The following CRYBG3 variants were observed in gnomAD, a reference collection of about 807,000 sequenced individuals.
The protein encoded by CRYBG3 is very large A-kinase anchor protein.
A neutral mutation model predicts 244.2 loss-of-function variants in CRYBG3; 127 were observed. The observed-to-expected ratio is 0.52, with a 90% confidence interval of 0.45 to 0.60. The LOEUF (loss-of-function observed/expected upper bound fraction) is 0.60. CRYBG3 is among the 20% of genes least tolerant of loss of function. The pLI, the probability that CRYBG3 is intolerant of heterozygous loss-of-function variation, is 0.00. For missense variants in CRYBG3, 3,325 were observed against 3,442.5 expected (o/e 0.97, Z 0.85); for synonymous variants, 1,132 against 1,195.8 (o/e 0.95, Z 1.10).
rs1207540056 is a variant in CRYBG3 at position 97,872,315 on chromosome 3, C to G, written c.1121C>G (p.Thr374Ser). 1.0e-5 allele frequency: 16 copies of G among 1,535,816 alleles called. No homozygotes were observed. The highest frequency in any genetic ancestry group is 2.0e-5 in the Admixed American group (1 of 50,960). The change falls in exon 4 of 22, where the codon ACT becomes AGT. Residue 374 changes from threonine to serine, a missense_variant. Physicochemically the swap from Thr to Ser is moderately conservative, Grantham distance 58. Transcript: ENST00000389622. ...TTAAGTTGTGAACCGGTTTCTCAGA[C>G]TAACAGAAATTTGGTATGTTCAGCA... ...HHLSCEPVSQ[T>S]NRNLVCSALL...
rs1036550064 is a variant in CRYBG3, at chr3:97,876,641, C to T, written c.5447C>T (p.Pro1816Leu). Reference protein sequence around the residue: ...LKVKEAHETAPAPLEMEKACK... With the variant: ...LKVKEAHETALAPLEMEKACK... Reference sequence around the variant, plus strand: ...GTGAAGGAAGCACACGAGACAGCACCTGCCCCCTTAGAAATGGAAAAAGCA... The same window carrying T: ...GTGAAGGAAGCACACGAGACAGCACTTGCCCCCTTAGAAATGGAAAAAGCA... The change falls in exon 4 of 22, where the codon CCT (proline) becomes CTT (leucine). Residue 1816 changes from proline (P) to leucine (L), a missense_variant. Transcript: ENST00000389622. 5.7e-6 allele frequency: 7 copies of T among 1,235,652 alleles called. No individual in the cohort carries two copies. The South Asian group carries it at 1.6e-4, about 29-fold the overall frequency. The allele number at this position is 1,235,652 out of a possible 1,614,324, so 76.5% of individuals were successfully genotyped here.
intron 20 of CRYBG3, among the ~76,000 whole-genome samples, 160 bp downstream of exon 20, chr3:97,941,466 AAAAT>A (rs2040229845): frequency 6.6e-6 from 1 of 151,934 alleles, no homozygotes; most frequent in African/African-American, 2.4e-5. Flanking sequence ...ACATTTATAT[AAAAT>A]TAACTTAATT....
At chr3:97,915,463 G>T (rs930720208) in intron 16 of CRYBG3, 147 bp from the exon 17 acceptor site, 6 of 617,072 alleles carry the variant, frequency 9.7e-6, no homozygotes, top group Non-Finnish European at 1.6e-5. Context: ...GGTAGCTGTT[G>T]TGTTTTTTGT....
intron 1 of CRYBG3, chr3:97,836,863 C>T (rs1045649793): frequency 3.9e-5 from 6 of 152,110 alleles, no homozygotes; most frequent in Non-Finnish European, 7.4e-5. Context: ...GGTTTCTTGG[C>T]CATAGTCTTT....
chr3:97,844,789 T>A (rs1007138709), intron 2 of CRYBG3, among the ~76,000 whole-genome samples: 22 of 152,296 alleles, frequency 1.4e-4, no homozygotes, highest in African/African-American at 5.1e-4. Context: ...TGGGCCTCTA[T>A]GCTAACAATC....
At chr3:97,900,991 TTATTTTC>T (rs1222505025) in intron 15 of CRYBG3, among the ~76,000 whole-genome samples, 3 of 152,224 alleles carry the variant, frequency 2.0e-5, no homozygotes, top group Admixed American at 1.3e-4. Flanking sequence ...CAACATTTGC[TTATTTTC>T]TATTGAGGGC....
intron 17 of CRYBG3, among the ~76,000 whole-genome samples, chr3:97,925,399 G>A (rs1354912439): frequency 2.0e-5 from 3 of 152,084 alleles, no homozygotes; most frequent in African/African-American, 7.2e-5. Context: ...TATATAGCTA[G>A]TGGAAGAAGT....
At chr3:97,834,952 C>G (rs2038711435) in intron 1 of CRYBG3, among the ~76,000 whole-genome samples, 1 of 152,102 alleles carries the variant, frequency 6.6e-6, no homozygotes, top group South Asian at 2.1e-4. Context: ...ACTCATAACC[C>G]TACCCACTCA....
chr3:97,892,272 C>T (rs2039587207), intron 10 of CRYBG3, among the ~76,000 whole-genome samples: 1 of 152,160 alleles, frequency 6.6e-6, no homozygotes, highest in Non-Finnish European at 1.5e-5. Context: ...GCTGAACCAA[C>T]TGAGGTATCT....
At chr3:97,924,552 G>A (rs1430557474) in intron 17 of CRYBG3, 3 of 352,278 alleles carry the variant, frequency 8.5e-6, no homozygotes, top group Non-Finnish European at 1.6e-5. Context: ...TAAAATTAAG[G>A]TGTTGGCAGT....
Position 97,942,374 on chromosome 3 carries a change from A to T in CRYBG3, c.8755A>T (p.Lys2919Ter). The stretch of plus-strand genomic sequence containing the variant: ...GACTGAACATGGGCAATTCAGGCAG[A>T]AGTGGAGACTGAATAAAAATGGAAC... ...LWTEHGQFRQ[K>*]WRLNKNGTIS... The change falls in exon 21 of 22, where the codon AAG becomes TAG. Residue 2919 changes from lysine (K) to a stop codon, truncating the protein, a stop_gained. Transcript: ENST00000389622. LOFTEE classifies it high-confidence loss of function. 1 of 1,611,972 alleles carries T rather than the reference A, an allele frequency of 6.2e-7. No individual in the cohort carries two copies. Among genetic ancestry groups the T allele is most frequent in the Non-Finnish European group, 8.5e-7 (1 of 1,178,552 alleles).
intron 19 of CRYBG3, among the ~76,000 whole-genome samples, chr3:97,940,091 G>A (rs1432515997): frequency 1.3e-5 from 2 of 151,990 alleles, no homozygotes; most frequent in African/African-American, 4.8e-5. Flanking sequence ...TAATTGGGAT[G>A]GCAATGAGAA....
rs2039636122 is a variant in CRYBG3 at position 97,896,043 on chromosome 3, T to C, written c.7659T>C (p.Gly2553=). 3.1e-6 allele frequency: 5 copies of C among 1,613,130 alleles called. No individual in the cohort carries two copies. Among genetic ancestry groups the C allele is most frequent in the Non-Finnish European group, 4.2e-6 (5 of 1,179,250 alleles). ...ACTTTGAAGACAGTAATGCTTGTGG[T>C]GCATTAAGTAGCCCTATCTTGTCTT... ...EGDFEDSNAC[G]ALSSPILSFR... is the part of the protein sequence containing the mutation. Residue 2553 remains glycine (G), a synonymous_variant, in exon 12 of 22, where the codon GGT becomes GGC. Coordinates refer to ENST00000389622, the MANE Select transcript of CRYBG3 (RefSeq NM_153605.4).
Position 97,877,535 on chromosome 3 carries a change from G to A in CRYBG3, c.6341G>A (p.Arg2114Lys). Residue 2114 changes from arginine (R) to lysine (K), a missense_variant, in exon 4 of 22, where the codon AGA (arginine) becomes AAA (lysine). This residue lies in a region of CRYBG3 where 450 missense variants were observed against 424.1 expected (regional missense o/e 1.06). Transcript: ENST00000389622. The stretch of plus-strand genomic sequence containing the variant: ...GGTCACCATGGCCCCAGGAAATCAA[G>A]AGACAGTGAAAACCAGTCCTCTTCT... The part of the protein sequence containing the change: ...SPGHHGPRKS[R>K]DSENQSSSVL... The A allele has an allele frequency of 6.2e-7, 1 of 1,614,128 alleles. No homozygotes were observed. Among genetic ancestry groups the A allele is most frequent in the South Asian group, 1.1e-5 (1 of 91,080 alleles).
intron 15 of CRYBG3, 87 bp from the exon 16 acceptor site, chr3:97,912,080 A>C: frequency 1.7e-6 from 1 of 580,510 alleles, no homozygotes; most frequent in African/African-American, 1.9e-5. Flanking sequence ...GCATTTTATA[A>C]ATTCATGAAA....
intron 2 of CRYBG3, among the ~76,000 whole-genome samples, chr3:97,854,714 A>G (rs1017450686): frequency 6.6e-5 from 10 of 150,938 alleles, no homozygotes; most frequent in Admixed American, 2.6e-4. Flanking sequence ...TTTATCCTGG[A>G]ATTTTACTGA....
chr3:97,888,221 T>A, intron 8 of CRYBG3, 120 bp from the exon 9 acceptor site: 1 of 620,244 alleles, frequency 1.6e-6, no homozygotes, highest in Non-Finnish European at 2.9e-6. Context: ...TTGAGTGTGT[T>A]TTACTAGTGT....
Position 97,865,134 on chromosome 3 carries a change from A to G in CRYBG3, c.647+487A>G, listed in dbSNP as rs560060864. The stretch of plus-strand genomic sequence containing the variant: ...ATTGCTTGAATTGAAGGAGCATTTT[A>G]CCACCACTTTCTTCATTGTTTGATT... On this transcript the variant is annotated intron_variant, in intron 3 of 21. Transcript: ENST00000389622. 2.0e-5 allele frequency among the ~76,000 whole-genome samples: 3 copies of G among 152,332 alleles called. No individual in the cohort carries two copies. The East Asian group carries it at 5.8e-4, about 29-fold the overall frequency.
At chr3:97,846,246 C>A (rs1394013051) in intron 2 of CRYBG3, among the ~76,000 whole-genome samples, 3 of 152,170 alleles carry the variant, frequency 2.0e-5, no homozygotes, top group South Asian at 2.1e-4. Context: ...ATTGTCCTTT[C>A]TTGGTCCCAT....
Sources: allele counts gnomAD v4.1 joint callset (sites outside exome capture counted in the v4.1 genomes callset), GRCh38; gene constraint gnomAD v4.1.1; regional missense constraint gnomAD v4.1.1; transcripts MANE v1.5; gene names NCBI Gene and HGNC (gene_info 2026-07-23, HGNC 2026-07-21).